The following CPNE4 variants were observed in gnomAD, a reference collection of about 807,000 sequenced individuals.
CPNE4 encodes copine 4, also known as copine-4.
In CPNE4, 25 loss-of-function variants were observed where a neutral mutation model predicts 67.9. The ratio of observed to expected loss-of-function variants is 0.37; its 90% confidence interval spans 0.27 to 0.51. The LOEUF is 0.51. Ranked by LOEUF, CPNE4 falls within the 20% of genes least tolerant of loss-of-function variation. The probability of loss-of-function intolerance (pLI) is 0.93; values close to 1 mark genes in which losing one functional copy is unlikely to be tolerated. For synonymous variants in CPNE4, 242 were observed against 244.9 expected, an observed-to-expected ratio of 0.99 and a Z score of 0.11; for missense variants, 464 against 690.8, an observed-to-expected ratio of 0.67 and a Z score of 3.68.
At chr3:131,642,015 AG>A (rs1360803190) in intron 7 of CPNE4, among the ~76,000 whole-genome samples, 7 of 152,094 alleles carry the variant, frequency 4.6e-5, no homozygotes, top group African/African-American at 1.4e-4. Context: ...GGAAAGGGTG[AG>A]GGGTGGCGAG....
chr3:131,656,049 GTTTCT>G lies in CPNE4; in HGVS notation c.681+13621_681+13625del, dbSNP rs1439404490. On this transcript the variant is annotated intron_variant, in intron 7 of 15. Transcript: ENST00000429747. ...GAGAACCAGATGTGGCCACAATACT[GTTTCT>G]TTTTTTTTTTTTTTTTGTGACTTGC... Among the ~76,000 whole-genome samples the G allele has an allele frequency of 7.0e-3, 954 of 135,800 alleles. 7 individuals are homozygous for G. The highest frequency in any genetic ancestry group is 0.025 in the African/African-American group (895 of 35,650). The allele number at this position is 135,800 out of a possible 152,430, so 89.1% of individuals were successfully genotyped here. A position where few individuals can be genotyped will look rare whatever the true frequency, so the allele number is the denominator to read the frequency against.
intron 5 of CPNE4, among the ~76,000 whole-genome samples, chr3:131,696,132 G>A (rs1439726113): frequency 6.6e-6 from 1 of 152,180 alleles, no homozygotes; most frequent in East Asian, 1.9e-4. Context: ...GTGATAAATA[G>A]GAGTTGTACA....
chr3:131,945,990 C>A (rs527936539), intron 1 of CPNE4, among the ~76,000 whole-genome samples: 2 of 152,302 alleles, frequency 1.3e-5, no homozygotes, highest in Non-Finnish European at 2.9e-5. Context: ...GCTCTGGTAG[C>A]TAGCCATAAT....
intron 7 of CPNE4, among the ~76,000 whole-genome samples, chr3:131,608,277 C>A (rs1251981252): frequency 6.6e-6 from 1 of 152,080 alleles, no homozygotes; most frequent in East Asian, 1.9e-4. Flanking sequence ...TTCAAATAAA[C>A]CAACTACACA....
intron 2 of CPNE4, among the ~76,000 whole-genome samples, chr3:131,749,579 G>C (rs1370800701): frequency 2.0e-5 from 3 of 152,074 alleles, no homozygotes; most frequent in African/African-American, 4.8e-5. Context: ...TTGTGAATTT[G>C]TGTATTACTT....
intron 7 of CPNE4, among the ~76,000 whole-genome samples, chr3:131,617,783 T>C (rs1266863012): frequency 6.6e-6 from 1 of 152,206 alleles, no homozygotes; most frequent in East Asian, 1.9e-4. Context: ...GGGAACTTTC[T>C]TTATTTCCAA....
intron 2 of CPNE4, among the ~76,000 whole-genome samples, chr3:131,766,412 T>C (rs1469573275): frequency 6.6e-6 from 1 of 152,128 alleles, no homozygotes; most frequent in African/African-American, 2.4e-5. Context: ...AAAGATGTCA[T>C]TATGGTATTA....
chr3:131,946,965 T>A (rs1292081626), intron 1 of CPNE4, among the ~76,000 whole-genome samples: 1 of 152,146 alleles, frequency 6.6e-6, no homozygotes, highest in African/African-American at 2.4e-5. Flanking sequence ...GTCTAGTCTT[T>A]CTCCCACGGA....
At chr3:131,893,249 A>C (rs1294348624) in intron 2 of CPNE4, among the ~76,000 whole-genome samples, 1 of 152,066 alleles carries the variant, frequency 6.6e-6, no homozygotes, top group Non-Finnish European at 1.5e-5. Flanking sequence ...CGTTATAATA[A>C]AGGAATCAAT....
intron 1 of CPNE4, among the ~76,000 whole-genome samples, chr3:131,946,070 G>A (rs2071543948): frequency 6.6e-6 from 1 of 152,080 alleles, no homozygotes; most frequent in Non-Finnish European, 1.5e-5. Flanking sequence ...ACAATTCAGT[G>A]GGATTCAGCA....
At position 131,795,284 on chromosome 3, in the gene CPNE4, G is replaced by A. The variant is rs182012109; in HGVS notation, c.181-71659C>T. On this transcript the variant is annotated intron_variant, in intron 2 of 15. Transcript: ENST00000429747. ...TGAGAGGCATAAGCATCAAAGCACA[G>A]AGAAACATATTAATAAAAGCCTCTG... Among the ~76,000 whole-genome samples, 7 of 152,302 alleles carry A rather than the reference G, an allele frequency of 4.6e-5. No individual in the cohort carries two copies. In the East Asian group the frequency reaches 1.3e-3, roughly 29 times the overall value.
chr3:131,953,239 T>TAAAAAAAA (rs1167094357), intron 1 of CPNE4, among the ~76,000 whole-genome samples: 14 of 97,114 alleles, frequency 1.4e-4, no homozygotes, highest in East Asian at 1.1e-3. Flanking sequence ...AATGATCAAT[T>TAAAAAAAA]AAAAAAAAAA....
chr3:131,559,937 CATG>C (rs528592607), intron 11 of CPNE4, among the ~76,000 whole-genome samples: 39 of 152,060 alleles, frequency 2.6e-4, no homozygotes, highest in Admixed American at 1.0e-3. Context: ...TATATAAACT[CATG>C]ATGAAAAATG....
intron 3 of CPNE4, among the ~76,000 whole-genome samples, chr3:131,716,690 C>T (rs2081697385): frequency 6.6e-6 from 1 of 152,224 alleles, no homozygotes; most frequent in African/African-American, 2.4e-5. Flanking sequence ...GTGCTCCCTC[C>T]ATGCCGGGGG....
Position 131,575,053 on chromosome 3 carries a change from A to G in CPNE4, c.927+18T>C. On this transcript the variant is annotated intron_variant, in intron 10 of 15. Transcript: ENST00000429747. ...ATTCCTGAATAAGAATCAAGGAATC[A>G]ACATGAAAACAACTTACTGTAAACT... 1.2e-6 allele frequency: 2 copies of G among 1,607,396 alleles called. No homozygotes were observed. Among genetic ancestry groups the G allele is most frequent in the Non-Finnish European group, 8.5e-7 (1 of 1,174,272 alleles).
intron 2 of CPNE4, among the ~76,000 whole-genome samples, chr3:131,852,076 G>A (rs2086261689): frequency 6.6e-6 from 1 of 152,012 alleles, no homozygotes; most frequent in Non-Finnish European, 1.5e-5. Flanking sequence ...TTTTGAAAGA[G>A]ACATGGGAGA....
intron 10 of CPNE4, among the ~76,000 whole-genome samples, chr3:131,573,328 G>C (rs1329834678): frequency 6.6e-6 from 1 of 152,042 alleles, no homozygotes; most frequent in African/African-American, 2.4e-5. Context: ...GCTGCAACTG[G>C]GGTGTTGTTG....
At position 131,616,736 on chromosome 3, in the gene CPNE4, G is replaced by A. The variant is rs1455506860; in HGVS notation, c.682-29154C>T. Among the ~76,000 whole-genome samples, 4 of 151,994 alleles carry A rather than the reference G, an allele frequency of 2.6e-5. No homozygotes were observed. The South Asian group carries it at 6.2e-4, about 24-fold the overall frequency. ...AGTATGGTAAAATCTGTACAGCTTC[G>A]AATTAATCAGAACTGAAGGCACATA... On this transcript the variant is annotated intron_variant, in intron 7 of 15. Transcript: ENST00000429747.
chr3:131,742,579 C>A (rs1014208033), intron 2 of CPNE4, among the ~76,000 whole-genome samples: 1 of 152,090 alleles, frequency 6.6e-6, no homozygotes, highest in African/African-American at 2.4e-5. Flanking sequence ...TGGGAGACTG[C>A]ACTTTTTTCT....
Sources: gnomAD v4.1 joint callset for allele counts (sites outside exome capture counted in the v4.1 genomes callset) on GRCh38, gnomAD v4.1.1 for gene constraint, MANE v1.5 for transcripts, NCBI Gene and HGNC (gene_info 2026-07-23, HGNC 2026-07-21) for gene names.